The following ZNF506 variants were observed in gnomAD, a reference collection of about 807,000 sequenced individuals.
ZNF506 encodes zinc finger protein 506.
Under a neutral mutation model 11.6 loss-of-function variants are expected in ZNF506, and 10 were observed. The observed-to-expected ratio is 0.86, with a 90% CI of 0.53 to 1.46. The LOEUF is 1.46. ZNF506 is among the 40% of genes most tolerant of loss of function. ZNF506 has a pLI of 0.00. For missense variants in ZNF506, 425 were observed against 521.2 expected (o/e 0.82, Z 1.80); for synonymous variants, 156 against 173.3 (o/e 0.90, Z 0.78).
At chr19:19,808,012 T>TGCACATCA (rs1031556053) in intron 1 of ZNF506, among the ~76,000 whole-genome samples, 4 of 150,726 alleles carry the variant, frequency 2.7e-5, no homozygotes, top group African/African-American at 9.8e-5. Flanking sequence ...TGATGGTTTA[T>TGCACATCA]GCACATCAGC....
chr19:19,804,746 T>C (rs990506822), intron 3 of ZNF506, among the ~76,000 whole-genome samples: 47 of 152,160 alleles, frequency 3.1e-4, no homozygotes, highest in Non-Finnish European at 6.2e-4. Flanking sequence ...TGGAATACTA[T>C]GCAGCCACAA....
rs943655039 is a variant in ZNF506, at chr19:19,796,006, C to T, written c.227-346G>A. The stretch of plus-strand genomic sequence containing the variant: ...TGCCTTTAAAAGTAAATTGCGGGCC[C>T]GGTGTGGTAGCTCACACCCGTGACC... On this transcript the variant is annotated intron_variant, in intron 3 of 3. Coordinates refer to ENST00000540806, the MANE Select transcript of ZNF506 (RefSeq NM_001099269.3). 2.1e-5 allele frequency: 6 copies of T among 286,764 alleles called. No homozygotes were observed. The East Asian group carries it at 2.9e-4, about 14-fold the overall frequency. 17.8% of individuals were successfully genotyped at this position (286,764 alleles called of 1,614,324 possible). A position where few individuals can be genotyped will look rare whatever the true frequency, so the allele number is the denominator to read the frequency against.
intron 2 of ZNF506, chr19:19,806,516 A>G (rs775037293): frequency 1.1e-5 from 2 of 185,716 alleles, no homozygotes; most frequent in Non-Finnish European, 2.2e-5. Flanking sequence ...CCGGACTCCC[A>G]AAGTGCTGGG....
At chr19:19,814,118 A>T (rs750538479) in intron 1 of ZNF506, among the ~76,000 whole-genome samples, 88 of 152,082 alleles carry the variant, frequency 5.8e-4, no homozygotes, top group Non-Finnish European at 1.0e-3. Context: ...CTTAGAAAAC[A>T]AATGCAGAGG....
At position 19,794,328 on chromosome 19, in the gene ZNF506, G is replaced by C. The variant is rs1001456690; in HGVS notation, c.*224C>G. ...TCCATCTCAAAAAACAAAAAGAGTT[G>C]ACAGGTTGTTATAGGCTTTGCCATA... On this transcript the variant is annotated 3_prime_UTR_variant, in exon 4 of 4. Coordinates refer to ENST00000540806, the MANE Select transcript of ZNF506 (RefSeq NM_001099269.3). 3 of 420,750 alleles carry C rather than the reference G, an allele frequency of 7.1e-6. No individual in the cohort carries two copies. The Admixed American group carries it at 1.2e-4, about 17-fold the overall frequency. 26.1% of individuals were successfully genotyped at this position (420,750 alleles called of 1,614,324 possible). A position where few individuals can be genotyped will look rare whatever the true frequency, so the allele number is the denominator to read the frequency against.
At chr19:19,821,300 A>G (rs2062965516) in intron 1 of ZNF506, among the ~76,000 whole-genome samples, 1 of 152,052 alleles carries the variant, frequency 6.6e-6, no homozygotes, top group Non-Finnish European at 1.5e-5. Context: ...TCCCCTGACG[A>G]CCTTCCCGTG....
intron 3 of ZNF506, among the ~76,000 whole-genome samples, chr19:19,802,164 C>A (rs2062799783): frequency 6.7e-6 from 1 of 148,596 alleles, no homozygotes; most frequent in African/African-American, 2.5e-5. Context: ...AAGATCGCAC[C>A]ACTGCACTCC....
intron 1 of ZNF506, among the ~76,000 whole-genome samples, chr19:19,815,597 T>C (rs913914704): frequency 6.6e-6 from 1 of 152,200 alleles, no homozygotes; most frequent in Non-Finnish European, 1.5e-5. Flanking sequence ...TCTGGCACCA[T>C]ATCTGTAGAG....
In ZNF506 at chr19:19,793,664, T is replaced by G. The variant is rs1325251773; in HGVS notation, c.*888A>C. Among the ~76,000 whole-genome samples the G allele has an allele frequency of 6.6e-6, 1 of 152,256 alleles. No individual in the cohort carries two copies. Among genetic ancestry groups the G allele is most frequent in the Non-Finnish European group, 1.5e-5 (1 of 68,052 alleles). Reference sequence around the variant, plus strand: ...GCACTTTTATTGCTTTTATTAACTATGAACCTTCTGTTGAGATGTGAGTGG... The same window carrying G: ...GCACTTTTATTGCTTTTATTAACTAGGAACCTTCTGTTGAGATGTGAGTGG... On this transcript the variant is annotated 3_prime_UTR_variant, in exon 4 of 4. Coordinates refer to ENST00000540806, the MANE Select transcript of ZNF506 (RefSeq NM_001099269.3).
chr19:19,804,101 A>G (rs1166420626), intron 3 of ZNF506, among the ~76,000 whole-genome samples: 1 of 152,202 alleles, frequency 6.6e-6, no homozygotes, highest in Non-Finnish European at 1.5e-5. Flanking sequence ...TAATAAAACT[A>G]AAGAGCTTCT....
At position 19,793,180 on chromosome 19, in the gene ZNF506, C is replaced by T. The variant is rs1249735002; in HGVS notation, c.*1372G>A. ...AATTACAATGCTTCAGAAAATCTCCCTTTTAAAGTTATATACAAAAACAGC... is the reference window on the plus strand; with the variant it reads ...AATTACAATGCTTCAGAAAATCTCCTTTTTAAAGTTATATACAAAAACAGC... On this transcript the variant is annotated 3_prime_UTR_variant, in exon 4 of 4. Transcript: ENST00000540806. Among the ~76,000 whole-genome samples, 2 of 151,988 alleles carry T rather than the reference C, an allele frequency of 1.3e-5. No individual in the cohort carries two copies. Among genetic ancestry groups the T allele is most frequent in the Non-Finnish European group, 2.9e-5 (2 of 68,002 alleles).
chr19:19,806,108 G>C lies in ZNF506; in HGVS notation c.149C>G (p.Pro50Arg), dbSNP rs774262385. The C allele has an allele frequency of 1.2e-6, 2 of 1,600,712 alleles. No homozygotes were observed. Among genetic ancestry groups the C allele is most frequent in the Non-Finnish European group, 1.7e-6 (2 of 1,176,484 alleles). ...TTGCTCCAGACAGGTGATCAGGTTT[G>C]GTTTAGAGACAACAATACCTGTTTT... Reference protein sequence around the residue: ...LIFLGIVVSKPNLITCLEQGK... With the variant: ...LIFLGIVVSKRNLITCLEQGK... The change falls in exon 3 of 4, where the codon CCA becomes CGA. Residue 50 changes from proline to arginine, a missense_variant. By Grantham distance (103) the Pro-to-Arg change is moderately radical. Transcript: ENST00000540806.
chr19:19,803,113 G>GA (rs1157282254), intron 3 of ZNF506, among the ~76,000 whole-genome samples: 1 of 152,188 alleles, frequency 6.6e-6, no homozygotes, highest in Non-Finnish European at 1.5e-5. Flanking sequence ...ATTCAGGTGG[G>GA]AAACTACAAG....
At chr19:19,802,688 A>G (rs1247493622) in intron 3 of ZNF506, among the ~76,000 whole-genome samples, 1 of 152,254 alleles carries the variant, frequency 6.6e-6, no homozygotes, top group East Asian at 1.9e-4. Flanking sequence ...AATTTACTTC[A>G]GGCATACCAT....
rs541449853 is a variant in ZNF506 at position 19,819,019 on chromosome 19, G to A, written c.3+2582C>T. Among the ~76,000 whole-genome samples, 13 of 152,108 alleles carry A rather than the reference G, an allele frequency of 8.5e-5. No homozygotes were observed. The South Asian group carries it at 2.5e-3, about 29-fold the overall frequency. Reference sequence around the variant, plus strand: ...AAACAACAACAGCACAAACACCTGAGGTTAAAATAAGTGAACAAATCTTTT... The same window carrying A: ...AAACAACAACAGCACAAACACCTGAAGTTAAAATAAGTGAACAAATCTTTT... On this transcript the variant is annotated intron_variant, in intron 1 of 3. Transcript: ENST00000540806.
intron 1 of ZNF506, among the ~76,000 whole-genome samples, chr19:19,809,220 T>C (rs1461852335): frequency 6.6e-6 from 1 of 152,206 alleles, no homozygotes; most frequent in Non-Finnish European, 1.5e-5. Flanking sequence ...CTGAGAATCC[T>C]GCATAGCATA....
intron 3 of ZNF506, chr19:19,798,095 A>G (rs1052704277): frequency 6.6e-6 from 1 of 152,236 alleles, no homozygotes; most frequent in Admixed American, 6.5e-5. Context: ...ATTCATAAAA[A>G]TGGAATTTCT....
intron 2 of ZNF506, 42 bp downstream of exon 2, chr19:19,806,899 CT>C (rs2062839631): frequency 6.3e-7 from 1 of 1,584,958 alleles, no homozygotes; most frequent in African/African-American, 1.4e-5. Context: ...GAAATAAAAC[CT>C]TTAGAGTAAT....
At chr19:19,801,975 G>A (rs1487269138) in intron 3 of ZNF506, among the ~76,000 whole-genome samples, 11 of 151,136 alleles carry the variant, frequency 7.3e-5, no homozygotes, top group East Asian at 3.9e-4. Flanking sequence ...AGGCCGAGGC[G>A]GGCAGATCAC....
Sources: allele counts gnomAD v4.1 joint callset (sites outside exome capture counted in the v4.1 genomes callset), GRCh38; gene constraint gnomAD v4.1.1; transcripts MANE v1.5; gene names NCBI Gene and HGNC (gene_info 2026-07-23, HGNC 2026-07-21).